MRTFA: variants seen among roughly 807,000 people sequenced by gnomAD.
MRTFA encodes myocardin related transcription factor A.
MRTFA carries 20 observed loss-of-function variants against 83.5 expected under a neutral mutation model. That is an observed-to-expected ratio of 0.24 (90% confidence interval 0.17 to 0.35). The LOEUF is 0.35. Among genes scored for constraint, MRTFA ranks in the 10% least tolerant of loss-of-function variants. The probability of loss-of-function intolerance (pLI) is 1.00; values close to 1 mark genes in which losing one functional copy is unlikely to be tolerated. For synonymous variants in MRTFA, 659 were observed against 541.2 expected (o/e 1.22, Z -3.02); for missense variants, 1,200 against 1,224.7 (o/e 0.98, Z 0.30).
intron 3 of MRTFA, among the ~76,000 whole-genome samples, chr22:40,487,458 T>G (rs939708813): frequency 1.3e-5 from 2 of 152,146 alleles, no homozygotes; most frequent in Non-Finnish European, 2.9e-5. Flanking sequence ...TAGAGCAACT[T>G]AGCCAAGTTC....
At chr22:40,627,828 C>T (rs937130795) in intron 1 of MRTFA, among the ~76,000 whole-genome samples, 4 of 152,222 alleles carry the variant, frequency 2.6e-5, no homozygotes, top group Admixed American at 2.0e-4. Flanking sequence ...AAAAATTTAG[C>T]CGGGCATGAT....
rs1166272836 is a variant in MRTFA, at chr22:40,596,816, C to CA, written c.-83-2082dup. Reference sequence around the variant, plus strand: ...CGAGACTCCATCTCAAAAACAACAACAACAAAAAAATAGCTCGGAGTGGTG... The same window carrying CA: ...CGAGACTCCATCTCAAAAACAACAACAAACAAAAAAATAGCTCGGAGTGGTG... On this transcript the variant is annotated intron_variant, in intron 1 of 14. Coordinates refer to ENST00000355630, the MANE Select transcript of MRTFA (RefSeq NM_020831.6). Among the ~76,000 whole-genome samples, 416 of 151,796 alleles carry CA rather than the reference C, an allele frequency of 2.7e-3. 4 individuals carry two copies. Among genetic ancestry groups the CA allele is most frequent in the African/African-American group, 9.5e-3 (395 of 41,406 alleles).
At chr22:40,610,417 C>A (rs1172070348) in intron 1 of MRTFA, among the ~76,000 whole-genome samples, 1 of 152,112 alleles carries the variant, frequency 6.6e-6, no homozygotes, top group South Asian at 2.1e-4. Context: ...CAGAGACAAA[C>A]TGACTACTGT....
chr22:40,539,955 A>G (rs1348758294), intron 3 of MRTFA, among the ~76,000 whole-genome samples: 3 of 142,588 alleles, frequency 2.1e-5, no homozygotes, highest in Non-Finnish European at 3.0e-5. Flanking sequence ...TGTTGCCCAG[A>G]CAAGAGTACA....
chr22:40,541,227 T>C (rs1473510636), intron 3 of MRTFA, among the ~76,000 whole-genome samples: 1 of 152,172 alleles, frequency 6.6e-6, no homozygotes, highest in African/African-American at 2.4e-5. Flanking sequence ...CTAATATCAA[T>C]TTCCATAATA....
intron 3 of MRTFA, among the ~76,000 whole-genome samples, chr22:40,502,606 C>T (rs1442617131): frequency 6.9e-6 from 1 of 145,354 alleles, no homozygotes; most frequent in African/African-American, 2.6e-5. Context: ...ACATCCCAGA[C>T]GATGGGCGGC....
intron 3 of MRTFA, among the ~76,000 whole-genome samples, chr22:40,491,118 G>A (rs748639062): frequency 6.6e-6 from 1 of 152,206 alleles, no homozygotes; most frequent in Non-Finnish European, 1.5e-5. Flanking sequence ...TGAGGCGGGA[G>A]GATCGCTTAA....
chr22:40,443,047 T>C (rs2053307881), intron 4 of MRTFA, among the ~76,000 whole-genome samples: 1 of 151,656 alleles, frequency 6.6e-6, no homozygotes. Flanking sequence ...AGGTCAGGAG[T>C]TCGAAACCAG....
chr22:40,526,328 A>G (rs5995871), intron 3 of MRTFA: 15,393 of 152,184 alleles, frequency 0.1, 944 homozygotes, highest in East Asian at 0.25. Flanking sequence ...CCACCATAAC[A>G]GGCCCAAAAG....
chr22:40,485,349 C>A (rs907270286), intron 3 of MRTFA, among the ~76,000 whole-genome samples: 1 of 152,174 alleles, frequency 6.6e-6, no homozygotes, highest in African/African-American at 2.4e-5. Context: ...ACAAACAAGA[C>A]CCCTTTTCCT....
At chr22:40,611,745 G>C (rs1391409242) in intron 1 of MRTFA, among the ~76,000 whole-genome samples, 2 of 152,144 alleles carry the variant, frequency 1.3e-5, no homozygotes, top group Non-Finnish European at 2.9e-5. Flanking sequence ...AATTCTGCTT[G>C]ATGACCTATA....
chr22:40,451,951 C>T (rs1414988559), intron 4 of MRTFA, among the ~76,000 whole-genome samples: 1 of 150,776 alleles, frequency 6.6e-6, no homozygotes, highest in Non-Finnish European at 1.5e-5. Flanking sequence ...TAACATCCCA[C>T]CTGGCTGAAG....
At chr22:40,413,510 T>C (rs977167720) in intron 14 of MRTFA, among the ~76,000 whole-genome samples, 3 of 151,998 alleles carry the variant, frequency 2.0e-5, no homozygotes, top group African/African-American at 7.2e-5. Flanking sequence ...TTTTTCACCA[T>C]GTTGGTCAGG....
intron 2 of MRTFA, among the ~76,000 whole-genome samples, chr22:40,568,387 G>T (rs2055736626): frequency 6.6e-6 from 1 of 152,180 alleles, no homozygotes. Context: ...TCACTTAGTT[G>T]TGGTTATTAA....
At chr22:40,523,686 G>A (rs986835113) in intron 3 of MRTFA, 3 of 152,280 alleles carry the variant, frequency 2.0e-5, no homozygotes, top group Non-Finnish European at 2.9e-5. Flanking sequence ...CTGAGGTGGC[G>A]TCTGAGATTC....
At chr22:40,590,318 A>T (rs2056101425) in intron 2 of MRTFA, among the ~76,000 whole-genome samples, 1 of 152,150 alleles carries the variant, frequency 6.6e-6, no homozygotes, top group Admixed American at 6.5e-5. Flanking sequence ...TCAACCAATG[A>T]TGAGATTTAA....
At chr22:40,528,511 GC>G (rs1270007459) in intron 3 of MRTFA, among the ~76,000 whole-genome samples, 1 of 152,020 alleles carries the variant, frequency 6.6e-6, no homozygotes, top group Non-Finnish European at 1.5e-5. Context: ...GCAGAGGCGG[GC>G]GGATCACCTG....
At chr22:40,443,121 G>A (rs180753683) in intron 4 of MRTFA, among the ~76,000 whole-genome samples, 258 of 152,088 alleles carry the variant, frequency 1.7e-3, no homozygotes, top group African/African-American at 6.1e-3. Context: ...GTGTGGTTAC[G>A]CACACCTGTA....
intron 3 of MRTFA, among the ~76,000 whole-genome samples, chr22:40,525,060 C>T (rs1178841323): frequency 6.6e-6 from 1 of 152,054 alleles, no homozygotes; most frequent in Non-Finnish European, 1.5e-5. Flanking sequence ...TCCGCCCGCC[C>T]CAGCCTCCCA....
Sources: gnomAD v4.1 joint callset for allele counts (sites outside exome capture counted in the v4.1 genomes callset) on GRCh38, gnomAD v4.1.1 for gene constraint, MANE v1.5 for transcripts, NCBI Gene and HGNC (gene_info 2026-07-23, HGNC 2026-07-21) for gene names.